Variants in PDZRN4 observed in about 807,000 individuals in gnomAD.
PDZRN4 encodes PDZ domain-containing RING finger protein 4.
PDZRN4 carries 70 observed loss-of-function variants against 99.0 expected under a neutral mutation model. That is an observed-to-expected ratio of 0.71 (90% CI 0.58 to 0.86). PDZRN4 has a LOEUF of 0.86. PDZRN4 is among the 40% of genes least tolerant of loss of function. PDZRN4 has a pLI of 0.00. For missense variants in PDZRN4, 1,474 were observed against 1,331.2 expected (o/e 1.11, Z -1.67); for synonymous variants, 551 against 501.6 (o/e 1.10, Z -1.32).
At chr12:41,516,981 G>A (rs999330427) in intron 5 of PDZRN4, among the ~76,000 whole-genome samples, 2 of 151,888 alleles carry the variant, frequency 1.3e-5, no homozygotes, top group Non-Finnish European at 2.9e-5. Context: ...TTTCTTGTAA[G>A]TCTTGCATTG....
At chr12:41,260,704 T>C (rs952101214) in intron 3 of PDZRN4, among the ~76,000 whole-genome samples, 7 of 151,754 alleles carry the variant, frequency 4.6e-5, no homozygotes, top group African/African-American at 1.7e-4. Flanking sequence ...ACTATGAGTC[T>C]AGATAAGGTG....
chr12:41,361,837 G>A (rs1951965460), intron 3 of PDZRN4, among the ~76,000 whole-genome samples: 2 of 151,994 alleles, frequency 1.3e-5, no homozygotes, highest in Non-Finnish European at 2.9e-5. Context: ...GTGGAAAGAG[G>A]ATGAATCTGG....
chr12:41,532,929 A>T (rs978956448), intron 5 of PDZRN4, among the ~76,000 whole-genome samples: 2 of 152,038 alleles, frequency 1.3e-5, no homozygotes, highest in African/African-American at 4.8e-5. Context: ...AAATATATAT[A>T]TTTTTTGCAT....
intron 3 of PDZRN4, among the ~76,000 whole-genome samples, chr12:41,239,037 A>G (rs1951087072): frequency 6.6e-6 from 1 of 152,196 alleles, no homozygotes; most frequent in South Asian, 2.1e-4. Context: ...AGCACTATTC[A>G]CAATAGCAAA....
chr12:41,265,615 G>C (rs899345012), intron 3 of PDZRN4, among the ~76,000 whole-genome samples: 3 of 152,180 alleles, frequency 2.0e-5, no homozygotes, highest in African/African-American at 7.2e-5. Flanking sequence ...CTATGAGTCA[G>C]TCCTCAGTTG....
chr12:41,221,638 C>A (rs1196367877), intron 3 of PDZRN4, among the ~76,000 whole-genome samples: 1 of 151,886 alleles, frequency 6.6e-6, no homozygotes, highest in Non-Finnish European at 1.5e-5. Context: ...TAATTTAAGG[C>A]TTTTCAGGCT....
intron 3 of PDZRN4, among the ~76,000 whole-genome samples, chr12:41,359,597 G>C (rs1918219): frequency 0.36 from 55,256 of 151,690 alleles, 10,162 homozygotes; most frequent in Non-Finnish European, 0.39. Context: ...TAGTAAATAA[G>C]TCTCATGAGA....
intron 3 of PDZRN4, among the ~76,000 whole-genome samples, chr12:41,471,625 G>T (rs1197457769): frequency 6.6e-6 from 1 of 150,580 alleles, no homozygotes; most frequent in Non-Finnish European, 1.5e-5. Context: ...TGATTGTGAT[G>T]ATTTTTATAC....
intron 3 of PDZRN4, among the ~76,000 whole-genome samples, chr12:41,201,711 G>T (rs79450342): frequency 6.6e-6 from 1 of 151,948 alleles, no homozygotes; most frequent in Admixed American, 6.6e-5. Context: ...TGTAACATCC[G>T]ATTCCTTCTT....
At chr12:41,496,544 C>G (rs1394278903) in intron 3 of PDZRN4, among the ~76,000 whole-genome samples, 2 of 152,046 alleles carry the variant, frequency 1.3e-5, no homozygotes, top group Non-Finnish European at 2.9e-5. Flanking sequence ...CTCTTTTCTG[C>G]TACAACAATG....
chr12:41,196,372 G>T (rs1950772972), intron 3 of PDZRN4, among the ~76,000 whole-genome samples: 1 of 151,980 alleles, frequency 6.6e-6, no homozygotes, highest in Non-Finnish European at 1.5e-5. Context: ...TTATACCAGG[G>T]TACATTGATT....
chr12:41,237,135 G>C (rs2120773324), intron 3 of PDZRN4, among the ~76,000 whole-genome samples: 1 of 152,234 alleles, frequency 6.6e-6, no homozygotes, highest in East Asian at 1.9e-4. Context: ...ATATTAACTT[G>C]TAATCATTAT....
chr12:41,573,030 A>T lies in PDZRN4; in HGVS notation c.2251A>T (p.Thr751Ser), dbSNP rs748325885. ...TAESCRSTPL[T>S]VDRSPDSSLP... ...TGAGAGCTGCAGAAGTACTCCGCTC[A>T]CTGTAGACCGTTCCCCTGACAGTTC... is the stretch of plus-strand genomic sequence containing the variant. Residue 751 changes from threonine (T) to serine (S), a missense_variant, in exon 10 of 10, where the codon ACT becomes TCT. Coordinates refer to ENST00000402685, the MANE Select transcript of PDZRN4 (RefSeq NM_001164595.2). 6 of 1,614,160 alleles carry T rather than the reference A, an allele frequency of 3.7e-6. No homozygotes were observed. Among genetic ancestry groups the T allele is most frequent in the Non-Finnish European group, 5.1e-6 (6 of 1,180,004 alleles).
intron 8 of PDZRN4, among the ~76,000 whole-genome samples, chr12:41,565,382 A>T (rs1444226082): frequency 2.0e-5 from 3 of 151,892 alleles, no homozygotes; most frequent in Non-Finnish European, 4.4e-5. Flanking sequence ...AAAGAAATAC[A>T]TTTTAATACC....
chr12:41,342,834 T>C (rs1445847803), intron 3 of PDZRN4, among the ~76,000 whole-genome samples: 1 of 151,930 alleles, frequency 6.6e-6, no homozygotes, highest in Non-Finnish European at 1.5e-5. Flanking sequence ...AACTACCATA[T>C]GCTCCAGCAA....
intron 3 of PDZRN4, among the ~76,000 whole-genome samples, chr12:41,236,349 G>T (rs1348104122): frequency 6.6e-6 from 1 of 152,024 alleles, no homozygotes; most frequent in Non-Finnish European, 1.5e-5. Flanking sequence ...TTGGGGGCAG[G>T]GTGCTTCACA....
intron 3 of PDZRN4, among the ~76,000 whole-genome samples, chr12:41,270,641 G>C (rs1951309201): frequency 6.6e-6 from 1 of 151,974 alleles, no homozygotes; most frequent in Non-Finnish European, 1.5e-5. Flanking sequence ...TAAACTAACT[G>C]ATTAATCATA....
chr12:41,535,633 G>C (rs1592101297), intron 5 of PDZRN4, among the ~76,000 whole-genome samples: 1 of 152,138 alleles, frequency 6.6e-6, no homozygotes, highest in South Asian at 2.1e-4. Flanking sequence ...CTGATGAGAG[G>C]CTATTGGACC....
chr12:41,222,653 G>A (rs931970771), intron 3 of PDZRN4, among the ~76,000 whole-genome samples: 1 of 152,008 alleles, frequency 6.6e-6, no homozygotes, highest in Non-Finnish European at 1.5e-5. Flanking sequence ...CAAGTAGCTG[G>A]GATTACAATT....
Sources: gnomAD v4.1 joint callset for allele counts (sites outside exome capture counted in the v4.1 genomes callset) on GRCh38, gnomAD v4.1.1 for gene constraint, MANE v1.5 for transcripts, NCBI Gene and HGNC (gene_info 2026-07-23, HGNC 2026-07-21) for gene names.